Variants in USP12 observed in about 807,000 individuals in gnomAD.
USP12 encodes ubiquitin carboxyl-terminal hydrolase 12.
A neutral mutation model predicts 45.5 loss-of-function variants in USP12; 19 were observed. That is an observed-to-expected ratio of 0.42 (90% CI 0.29 to 0.61). The LOEUF is 0.61. USP12 is among the 20% of genes least tolerant of loss of function. The pLI, the probability that USP12 is intolerant of heterozygous loss-of-function variation, is 0.22. For missense variants in USP12, 242 were observed against 447.7 expected (o/e 0.54, Z 4.15); for synonymous variants, 149 against 148.8 (o/e 1.00, Z -0.01).
In USP12 at chr13:27,129,439, G is replaced by A. The variant is rs534321095; in HGVS notation, c.49-12843C>T. On this transcript the variant is annotated intron_variant, in intron 1 of 8. Coordinates refer to ENST00000282344, the MANE Select transcript of USP12 (RefSeq NM_182488.4). The surrounding 1 kb of genome is among the most constrained non-coding windows in gnomAD (Gnocchi z 4.0). Reference sequence around the variant, plus strand: ...TGACAGTGTCACTCTAAAGCTATGCGTAGGCCAGGTGCAGTGGTTCATGCC... The same window carrying A: ...TGACAGTGTCACTCTAAAGCTATGCATAGGCCAGGTGCAGTGGTTCATGCC... 9.9e-5 allele frequency among the ~76,000 whole-genome samples: 15 copies of A among 152,212 alleles called. No homozygotes were observed. The highest frequency in any genetic ancestry group is 2.1e-4 in the South Asian group (1 of 4,836).
At chr13:27,125,188 T>C (rs368896972) in intron 1 of USP12, among the ~76,000 whole-genome samples, 1 of 152,336 alleles carries the variant, frequency 6.6e-6, no homozygotes, top group Admixed American at 6.5e-5. Flanking sequence ...ATGTATGTAT[T>C]GGGTTTCATA....
intron 2 of USP12, among the ~76,000 whole-genome samples, chr13:27,111,936 T>C (rs1875466778): frequency 1.3e-5 from 2 of 152,224 alleles, no homozygotes; most frequent in Non-Finnish European, 2.9e-5. Flanking sequence ...TTCCTAAAGA[T>C]ACATAGGTGC....
intron 1 of USP12, among the ~76,000 whole-genome samples, chr13:27,147,737 AT>A (rs1385244959): frequency 6.6e-6 from 1 of 152,126 alleles, no homozygotes; most frequent in Admixed American, 6.5e-5. Context: ...CAGTGGGGTA[AT>A]ATATTCAAAG....
chr13:27,112,454 C>CA (rs1565993587), intron 2 of USP12, among the ~76,000 whole-genome samples: 1 of 148,308 alleles, frequency 6.7e-6, no homozygotes, highest in Non-Finnish European at 1.5e-5. Context: ...ATGCTCCCAG[C>CA]ATTTTTTTTT....
At chr13:27,162,874 C>T (rs1489987947) in intron 1 of USP12, 9 of 152,210 alleles carry the variant, frequency 5.9e-5, no homozygotes, top group Middle Eastern at 6.8e-3. Context: ...TGAATGGTAA[C>T]GTTTAAATGT....
At position 27,071,121 on chromosome 13, in the gene USP12, T is replaced by C. The variant is rs989744391; in HGVS notation, c.961A>G (p.Ile321Val). The C allele has an allele frequency of 5.0e-6, 8 of 1,609,282 alleles. No homozygotes were observed. Among genetic ancestry groups the C allele is most frequent in the African/African-American group, 1.3e-5 (1 of 74,880 alleles). Residue 321 changes from isoleucine to valine, a missense_variant, in exon 8 of 9, where the codon ATA (isoleucine) becomes GTA (valine). By Grantham distance (29) the Ile-to-Val change is conservative (BLOSUM62 3). Transcript: ENST00000282344. ...AACCAAAAATCATGACTCTTAACTA[T>C]TGCAATATAATGGCCTCGATTGGGA... ...SGPNRGHYIA[I>V]VKSHDFWLLF...
chr13:27,069,159 A>G lies in USP12; in HGVS notation c.*124T>C. The G allele has an allele frequency of 1.3e-6, 1 of 755,152 alleles. No homozygotes were observed. The highest frequency in any genetic ancestry group is 2.6e-5 in the East Asian group (1 of 38,792). The allele number at this position is 755,152 out of a possible 1,614,324, so 46.8% of individuals were successfully genotyped here. ...CCATCGTCTTTGCTTTATCGTGTGC[A>G]AAGTGTGCTACTGCCCCCTGAGCTT... On this transcript the variant is annotated 3_prime_UTR_variant, in exon 9 of 9. Coordinates refer to ENST00000282344, the MANE Select transcript of USP12 (RefSeq NM_182488.4).
At chr13:27,093,186 A>G (rs1874400375) in intron 4 of USP12, among the ~76,000 whole-genome samples, 1 of 145,832 alleles carries the variant, frequency 6.9e-6, no homozygotes, top group Admixed American at 6.9e-5. Flanking sequence ...ACTCCATCTC[A>G]AAAAAAAAAA....
At chr13:27,119,010 T>C (rs1875867268) in intron 1 of USP12, among the ~76,000 whole-genome samples, 2 of 152,162 alleles carry the variant, frequency 1.3e-5, no homozygotes, top group African/African-American at 2.4e-5. Context: ...TTCCCAACTG[T>C]TAAAGAAAAA....
chr13:27,089,816 A>C, intron 6 of USP12, 67 bp downstream of exon 6: 3 of 1,496,222 alleles, frequency 2.0e-6, no homozygotes, highest in Non-Finnish European at 2.7e-6. Context: ...TTGTTTTTCT[A>C]AGCCCACCTC....
At position 27,116,443 on chromosome 13, in the gene USP12, C is replaced by T. The variant is rs143528657; in HGVS notation, c.129+73G>A. ...GAAAAGAACAATTTTCCTTTAATAACTTATGGAATGCATTCATCGTTTTTA... is the reference window on the plus strand; with the variant it reads ...GAAAAGAACAATTTTCCTTTAATAATTTATGGAATGCATTCATCGTTTTTA... On this transcript the variant is annotated intron_variant, in intron 2 of 8. Transcript: ENST00000282344. The T allele has an allele frequency of 2.7e-4, 355 of 1,327,722 alleles. No individual in the cohort carries two copies. The African/African-American group carries it at 4.8e-3, about 18-fold the overall frequency. The allele number at this position is 1,327,722 out of a possible 1,614,324, so 82.2% of individuals were successfully genotyped here.
At position 27,109,307 on chromosome 13, in the gene USP12, A is replaced by C. The variant is rs542823430; in HGVS notation, c.130-3363T>G. Among the ~76,000 whole-genome samples, 5 of 152,356 alleles carry C rather than the reference A, an allele frequency of 3.3e-5. No individual in the cohort carries two copies. The South Asian group carries it at 8.3e-4, about 25-fold the overall frequency. On this transcript the variant is annotated intron_variant, in intron 2 of 8. Coordinates refer to ENST00000282344, the MANE Select transcript of USP12 (RefSeq NM_182488.4). Reference sequence around the variant, plus strand: ...CAGCATTGCTCAAGTGAACAACTGAATATTGTGTGTCTTTTAATATATCTT... The same window carrying C: ...CAGCATTGCTCAAGTGAACAACTGACTATTGTGTGTCTTTTAATATATCTT...
intron 7 of USP12, among the ~76,000 whole-genome samples, chr13:27,073,919 T>A (rs1873355736): frequency 6.6e-6 from 1 of 152,178 alleles, no homozygotes; most frequent in Non-Finnish European, 1.5e-5. Flanking sequence ...CCGGTCTGAA[T>A]CACTACACCA....
intron 7 of USP12, among the ~76,000 whole-genome samples, chr13:27,072,807 C>G (rs1394187960): frequency 6.6e-6 from 1 of 151,890 alleles, no homozygotes; most frequent in Non-Finnish European, 1.5e-5. Flanking sequence ...AGGCTGGGCA[C>G]CGGGGACAGA....
chr13:27,163,768 TAA>T (rs34384911), intron 1 of USP12, among the ~76,000 whole-genome samples: 50 of 83,294 alleles, frequency 6.0e-4, no homozygotes, highest in Non-Finnish European at 9.6e-4. Context: ...AGACCTGTCT[TAA>T]AAAAAAAAAA....
rs1007981146 is a variant in USP12, at chr13:27,100,622, C to T, written c.344-4792G>A. ...TCCTGACGTGCATGCACCTCAATCC[C>T]GTACAATTCAAGAACCTTTATCTCT... is the stretch of plus-strand genomic sequence containing the variant. On this transcript the variant is annotated intron_variant, in intron 3 of 8. Coordinates refer to ENST00000282344, the MANE Select transcript of USP12 (RefSeq NM_182488.4). Among the ~76,000 whole-genome samples the T allele has an allele frequency of 3.9e-5, 6 of 152,240 alleles. No individual in the cohort carries two copies. In the East Asian group the frequency reaches 1.2e-3, roughly 29 times the overall value.
At position 27,158,729 on chromosome 13, in the gene USP12, G is replaced by T. The variant is rs546899643; in HGVS notation, c.48+12863C>A. ...CAGTTTCTGGCACTTTGTTATGGCA[G>T]CCCTAGGAAACTAATAAAATTATTG... is the stretch of plus-strand genomic sequence containing the variant. On this transcript the variant is annotated intron_variant, in intron 1 of 8. Transcript: ENST00000282344. Among the ~76,000 whole-genome samples, 469 of 152,252 alleles carry T rather than the reference G, an allele frequency of 3.1e-3. 3 individuals are homozygous for T. The highest frequency in any genetic ancestry group is 0.011 in the African/African-American group (452 of 41,554).
At chr13:27,117,728 G>T (rs755768901) in intron 1 of USP12, 1 of 518,500 alleles carries the variant, frequency 1.9e-6, no homozygotes, top group Non-Finnish European at 3.9e-6. Context: ...TGGGAATGGG[G>T]CAAAGGAGAA....
chr13:27,097,460 C>T (rs1184276774), intron 3 of USP12, among the ~76,000 whole-genome samples: 3 of 152,158 alleles, frequency 2.0e-5, no homozygotes, highest in African/African-American at 4.8e-5. Context: ...AGCAAAACTC[C>T]ATCTCAAAAA....
Sources: gnomAD v4.1 joint callset for allele counts (sites outside exome capture counted in the v4.1 genomes callset) on GRCh38, gnomAD v4.1.1 for gene constraint, Gnocchi (gnomAD v3.1) non-coding constraint, MANE v1.5 for transcripts, NCBI Gene and HGNC (gene_info 2026-07-23, HGNC 2026-07-21) for gene names.